ERC2: variants seen among roughly 807,000 people sequenced by gnomAD.
The protein encoded by ERC2 is ELKS/RAB6-interacting/CAST family member 2.
ERC2 carries 42 observed loss-of-function variants against 114.8 expected under a neutral mutation model. The ratio of observed to expected loss-of-function variants is 0.37; its 90% CI spans 0.29 to 0.47. The LOEUF is 0.47. Among genes scored for constraint, ERC2 ranks in the 20% least tolerant of loss-of-function variants. The pLI is 0.99. For synonymous variants in ERC2, 454 were observed against 425.5 expected (o/e 1.07, Z -0.82); for missense variants, 939 against 1,150.7 (o/e 0.82, Z 2.66).
At chr3:56,111,278 GCTCCCTCTTTCTCT>G (rs1188749460) in intron 6 of ERC2, among the ~76,000 whole-genome samples, 9 of 151,070 alleles carry the variant, frequency 6.0e-5, no homozygotes, top group South Asian at 2.1e-4. Flanking sequence ...TCAATCTCTC[GCTCCCTCTTTCTCT>G]CTCCCTCTTT....
chr3:56,245,909 G>C (rs189799115), intron 3 of ERC2, among the ~76,000 whole-genome samples: 91 of 152,124 alleles, frequency 6.0e-4, no homozygotes, highest in Non-Finnish European at 1.2e-4. Context: ...GATAGCTCCA[G>C]ACATGGCAGT....
intron 7 of ERC2, among the ~76,000 whole-genome samples, chr3:56,068,105 G>A (rs2076563798): frequency 6.6e-6 from 1 of 152,160 alleles, no homozygotes; most frequent in African/African-American, 2.4e-5. Context: ...AAATATTTCA[G>A]AGGGAATCTA....
intron 17 of ERC2, among the ~76,000 whole-genome samples, chr3:55,627,633 G>A (rs1231152553): frequency 6.6e-6 from 1 of 152,132 alleles, no homozygotes; most frequent in African/African-American, 2.4e-5. Context: ...GTGTCTTAAA[G>A]CCACAGAAAC....
At chr3:55,673,881 T>C (rs2061670625) in intron 17 of ERC2, among the ~76,000 whole-genome samples, 2 of 146,668 alleles carry the variant, frequency 1.4e-5, no homozygotes, top group South Asian at 4.4e-4. Flanking sequence ...ACTTCAGGGA[T>C]CAAGGTGCAC....
intron 3 of ERC2, among the ~76,000 whole-genome samples, chr3:56,249,074 G>A (rs1240220612): frequency 6.6e-6 from 1 of 152,212 alleles, no homozygotes; most frequent in South Asian, 2.1e-4. Context: ...TGAACATGAG[G>A]CCATCAGGCC....
chr3:56,191,212 G>A (rs571490046), intron 3 of ERC2, among the ~76,000 whole-genome samples: 1 of 152,262 alleles, frequency 6.6e-6, no homozygotes, highest in East Asian at 1.9e-4. Flanking sequence ...CAGGCAGTGG[G>A]AGGGAAACCC....
chr3:56,205,891 C>A (rs1167081942), intron 3 of ERC2, among the ~76,000 whole-genome samples: 2 of 152,114 alleles, frequency 1.3e-5, no homozygotes, highest in Non-Finnish European at 2.9e-5. Context: ...TTGAACAAGG[C>A]TTAAAATTAT....
At chr3:56,235,669 T>C (rs1260845313) in intron 3 of ERC2, among the ~76,000 whole-genome samples, 2 of 152,320 alleles carry the variant, frequency 1.3e-5, no homozygotes, top group African/African-American at 2.4e-5. Context: ...ATTTTTCCCA[T>C]AGACCTGCAA....
chr3:55,759,635 G>GC lies in ERC2; in HGVS notation c.2565-24718dup, dbSNP rs531252806. ...ATGAAGATTGTTTTTTTCTTCCCTT[G>GC]CAACATAATCATGGAGGAAAAAAGG... On this transcript the variant is annotated intron_variant, in intron 14 of 17. Transcript: ENST00000288221. Among the ~76,000 whole-genome samples, 286 of 151,996 alleles carry GC rather than the reference G, an allele frequency of 1.9e-3. 1 individual carries two copies. Among genetic ancestry groups the GC allele is most frequent in the African/African-American group, 6.3e-3 (263 of 41,488 alleles).
chr3:55,515,167 T>C (rs1323635708), intron 17 of ERC2, among the ~76,000 whole-genome samples: 2 of 152,210 alleles, frequency 1.3e-5, no homozygotes, highest in South Asian at 4.1e-4. Context: ...ATGACGTCAA[T>C]CTTTATTTTC....
rs1315568853 is a variant in ERC2 at position 55,901,200 on chromosome 3, C to T, written c.2404-12651G>A. On this transcript the variant is annotated intron_variant, in intron 13 of 17. Transcript: ENST00000288221. ...TAGAATAGTCATTATCTGTTTTGAT[C>T]CCAGCACTGTTCCAAAATGCCTTAG... 2.0e-5 allele frequency among the ~76,000 whole-genome samples: 3 copies of T among 152,300 alleles called. No homozygotes were observed. In the East Asian group the frequency reaches 5.8e-4, roughly 29 times the overall value.
At chr3:55,577,049 G>A (rs1213003106) in intron 17 of ERC2, among the ~76,000 whole-genome samples, 2 of 152,154 alleles carry the variant, frequency 1.3e-5, no homozygotes, top group African/African-American at 2.4e-5. Context: ...TGTCCTCAGC[G>A]CCAACTTCCA....
chr3:55,929,310 A>G (rs1369631953), intron 13 of ERC2, among the ~76,000 whole-genome samples: 1 of 151,476 alleles, frequency 6.6e-6, no homozygotes, highest in Non-Finnish European at 1.5e-5. Flanking sequence ...TCCAGAAGAG[A>G]CTCCCTCACA....
intron 17 of ERC2, among the ~76,000 whole-genome samples, chr3:55,517,306 T>C (rs1255597083): frequency 6.6e-6 from 1 of 151,784 alleles, no homozygotes; most frequent in African/African-American, 2.4e-5. Context: ...CCAGGCGTAA[T>C]GGCGGGCACC....
chr3:55,926,812 G>A (rs2065780100), intron 13 of ERC2, among the ~76,000 whole-genome samples: 1 of 152,132 alleles, frequency 6.6e-6, no homozygotes, highest in Non-Finnish European at 1.5e-5. Context: ...TCTGTGGCTG[G>A]AAGGCAAATC....
intron 17 of ERC2, among the ~76,000 whole-genome samples, chr3:55,522,724 T>G (rs2053045284): frequency 6.6e-6 from 1 of 152,172 alleles, no homozygotes; most frequent in Admixed American, 6.5e-5. Flanking sequence ...CTGAAACCCT[T>G]GGTCTCCCAT....
chr3:55,805,179 C>T (rs2059442497), intron 14 of ERC2, among the ~76,000 whole-genome samples: 1 of 151,982 alleles, frequency 6.6e-6, no homozygotes, highest in Admixed American at 6.5e-5. Context: ...TCACAACAGG[C>T]ACCAAGTGTA....
intron 2 of ERC2, among the ~76,000 whole-genome samples, chr3:56,340,521 T>TGA (rs148284942): frequency 3.3e-4 from 46 of 140,278 alleles, no homozygotes; most frequent in South Asian, 1.5e-3. Context: ...TGTTTGTGTG[T>TGA]GAGAGAGAGA....
intron 3 of ERC2, among the ~76,000 whole-genome samples, chr3:56,205,976 C>T (rs1005782678): frequency 1.3e-5 from 2 of 152,114 alleles, no homozygotes; most frequent in Non-Finnish European, 2.9e-5. Context: ...TATGGGGTTT[C>T]TGATAGCAAC....
Sources: allele counts gnomAD v4.1 joint callset (sites outside exome capture counted in the v4.1 genomes callset), GRCh38; gene constraint gnomAD v4.1.1; transcripts MANE v1.5; gene names NCBI Gene and HGNC (gene_info 2026-07-23, HGNC 2026-07-21).